Variants in DENND2B observed in about 807,000 individuals in gnomAD.
The protein encoded by DENND2B is DENN domain containing 2B.
A neutral mutation model predicts 116.0 loss-of-function variants in DENND2B; 32 were observed. That is an observed-to-expected ratio of 0.28 (90% CI 0.21 to 0.37). The LOEUF is 0.37. Ranked by LOEUF, DENND2B falls within the 10% of genes least tolerant of loss-of-function variation. The pLI is 1.00. For missense variants in DENND2B, 1,276 were observed against 1,477.7 expected, an observed-to-expected ratio of 0.86 and a Z score of 2.24; for synonymous variants, 588 against 583.9, an observed-to-expected ratio of 1.01 and a Z score of -0.10.
rs112482100 is a variant in DENND2B, at chr11:8,900,468, G to A, written c.-256+10353C>T. On this transcript the variant is annotated intron_variant, in intron 1 of 22. Transcript: ENST00000534127. ...AAAAAAATTAGCCAGGTGTGTTGGC[G>A]TGTGCCTGTGGTCCCAGCTACTCAG... Among the ~76,000 whole-genome samples the A allele has an allele frequency of 8.5e-4, 116 of 136,716 alleles. 1 individual carries two copies. The highest frequency in any genetic ancestry group is 2.5e-3 in the African/African-American group (99 of 39,990). 89.7% of individuals were successfully genotyped at this position (136,716 alleles called of 152,430 possible).
At chr11:8,813,208 C>G (rs1430987735), upstream of DENND2B, among the ~76,000 whole-genome samples, 1 of 152,000 alleles carries the variant, frequency 6.6e-6, no homozygotes, top group Non-Finnish European at 1.5e-5. Flanking sequence ...TAAATATATA[C>G]CAGAAGTTAA....
intron 9 of DENND2B, among the ~76,000 whole-genome samples, chr11:8,711,503 G>C (rs999580696): frequency 2.0e-5 from 3 of 152,050 alleles, no homozygotes; most frequent in Non-Finnish European, 4.4e-5. Flanking sequence ...CAAGGTCCCC[G>C]ACCTTACACA....
intron 1 of DENND2B, among the ~76,000 whole-genome samples, chr11:8,792,496 A>T (rs532802703): frequency 6.5e-4 from 99 of 152,344 alleles, no homozygotes; most frequent in African/African-American, 2.3e-3. Flanking sequence ...GTCAAAAAAA[A>T]TTTTTATTGG....
chr11:8,847,061 G>T (rs948189872), intron 3 of DENND2B, among the ~76,000 whole-genome samples: 5 of 152,170 alleles, frequency 3.3e-5, no homozygotes, highest in Non-Finnish European at 7.4e-5. Flanking sequence ...CTGAATTCTT[G>T]GGTCTTTCAT....
chr11:8,832,450 C>G (rs1374463571), intron 4 of DENND2B: 2 of 78,546 alleles, frequency 2.5e-5, no homozygotes, highest in Non-Finnish European at 5.0e-5. Context: ...GACTCTGTCT[C>G]CAAAAAAAAA....
At chr11:8,835,782 C>T (rs117412188) in intron 4 of DENND2B, 3,024 of 152,326 alleles carry the variant, frequency 0.02, 36 homozygotes, top group Middle Eastern at 0.034. Context: ...AAATGCCAGA[C>T]ACAGGCTCAC....
chr11:8,712,658 G>GCAGCTC lies in DENND2B; in HGVS notation c.2059_2064dup (p.Glu687_Leu688dup). 3 of 1,603,368 alleles carry GCAGCTC rather than the reference G, an allele frequency of 1.9e-6. No individual in the cohort carries two copies. The highest frequency in any genetic ancestry group is 1.7e-6 in the Non-Finnish European group (2 of 1,175,404). On this transcript the variant is annotated inframe_insertion, in exon 9 of 20. Transcript: ENST00000313726. The surrounding 1 kb of genome is among the most constrained non-coding windows in gnomAD (Gnocchi z 4.4). Reference sequence around the variant, plus strand: ...AAAAGCTCCCGCTCCTGCCACTCCAGCAGCTCCAGCTCCAGCGTGCGATAG... The same window carrying GCAGCTC: ...AAAAGCTCCCGCTCCTGCCACTCCAGCAGCTCCAGCTCCAGCTCCAGCGTGCGATAG...
intron 11 of DENND2B, chr11:8,708,177 C>G: frequency 7.8e-7 from 1 of 1,281,614 alleles, no homozygotes; most frequent in South Asian, 1.5e-5. Flanking sequence ...TACAGGGTGT[C>G]TGTGGATTCA....
At chr11:8,845,058 TA>T (rs546847135) in intron 3 of DENND2B, among the ~76,000 whole-genome samples, 3 of 150,746 alleles carry the variant, frequency 2.0e-5, no homozygotes, top group Non-Finnish European at 3.0e-5. Flanking sequence ...TTGTAAATGT[TA>T]AAAAAAAAAT....
At chr11:8,798,552 G>C (rs757257772) in intron 1 of DENND2B, among the ~76,000 whole-genome samples, 3 of 152,126 alleles carry the variant, frequency 2.0e-5, no homozygotes, top group Admixed American at 6.5e-5. Flanking sequence ...TGTTTCTACA[G>C]CTTTCCAGAA....
chr11:8,801,337 C>T (rs1231245120), intron 1 of DENND2B, among the ~76,000 whole-genome samples: 1 of 152,052 alleles, frequency 6.6e-6, no homozygotes, highest in Non-Finnish European at 1.5e-5. Context: ...GGGGATAGGG[C>T]CTTGCATTTC....
intron 1 of DENND2B, among the ~76,000 whole-genome samples, chr11:8,791,062 T>A (rs926051888): frequency 2.0e-5 from 3 of 152,180 alleles, no homozygotes; most frequent in Non-Finnish European, 4.4e-5. Context: ...CCAAAGCAGC[T>A]CCATTTCCTC....
chr11:8,700,565 G>A (rs2041372458), intron 14 of DENND2B, among the ~76,000 whole-genome samples: 1 of 152,078 alleles, frequency 6.6e-6, no homozygotes, highest in South Asian at 2.1e-4. Flanking sequence ...AATACCCCAG[G>A]GATTCAGGAC....
chr11:8,888,616 C>T (rs993827209), intron 1 of DENND2B, among the ~76,000 whole-genome samples: 2 of 152,098 alleles, frequency 1.3e-5, no homozygotes, highest in Admixed American at 1.3e-4. Context: ...CCAAAGGAAA[C>T]TGTCAACAGA....
At chr11:8,878,587 C>A (rs1286150789) in intron 2 of DENND2B, among the ~76,000 whole-genome samples, 1 of 152,076 alleles carries the variant, frequency 6.6e-6, no homozygotes, top group Non-Finnish European at 1.5e-5. Context: ...TGGGGTTTCA[C>A]CATGTTGGCC....
intron 2 of DENND2B, among the ~76,000 whole-genome samples, chr11:8,864,998 A>G (rs973878230): frequency 6.6e-6 from 1 of 152,266 alleles, no homozygotes; most frequent in African/African-American, 2.4e-5. Context: ...TTTCCAAAAC[A>G]TTAACAAACA....
At chr11:8,781,366 G>T (rs1464243115) in intron 1 of DENND2B, among the ~76,000 whole-genome samples, 2 of 152,114 alleles carry the variant, frequency 1.3e-5, no homozygotes, top group East Asian at 3.9e-4. Context: ...AGGTGAGGTG[G>T]CTTCATTGGA....
At chr11:8,826,067 T>C (rs2134563836) in intron 4 of DENND2B, among the ~76,000 whole-genome samples, 1 of 152,322 alleles carries the variant, frequency 6.6e-6, no homozygotes, top group South Asian at 2.1e-4. Context: ...ACACGTCTGA[T>C]TCATGAGGTT....
chr11:8,902,325 CA>C (rs71059192), intron 1 of DENND2B, among the ~76,000 whole-genome samples: 83,289 of 127,978 alleles, frequency 0.65, 28,666 homozygotes, highest in Non-Finnish European at 0.79. Flanking sequence ...GACTCCATCT[CA>C]AAAAAAAAAA....
Sources: gnomAD v4.1 joint callset for allele counts (sites outside exome capture counted in the v4.1 genomes callset) on GRCh38, gnomAD v4.1.1 for gene constraint, Gnocchi (gnomAD v3.1) non-coding constraint, MANE v1.5 for transcripts, NCBI Gene and HGNC (gene_info 2026-07-23, HGNC 2026-07-21) for gene names.